WDCP: variants seen among roughly 807,000 people sequenced by gnomAD.
WDCP encodes the protein WD repeat and coiled-coil-containing protein.
A neutral mutation model predicts 41.6 loss-of-function variants in WDCP; 19 were observed. That is an observed-to-expected ratio of 0.46 (90% CI 0.32 to 0.67). The LOEUF is 0.67. Ranked by LOEUF, WDCP falls within the 30% of genes least tolerant of loss-of-function variation. WDCP has a pLI of 0.04. For missense variants in WDCP, 802 were observed against 850.7 expected, an observed-to-expected ratio of 0.94 and a Z score of 0.71; for synonymous variants, 302 against 320.8, an observed-to-expected ratio of 0.94 and a Z score of 0.63.
intron 1 of WDCP, among the ~76,000 whole-genome samples, chr2:24,044,949 A>G (rs1316627248): frequency 6.6e-6 from 1 of 152,144 alleles, no homozygotes; most frequent in Non-Finnish European, 1.5e-5. Context: ...TTAAAACCTT[A>G]TATTATCAGA....
chr2:24,045,849 AG>A (rs1376550216), intron 1 of WDCP: 7 of 152,152 alleles, frequency 4.6e-5, no homozygotes, highest in Non-Finnish European at 1.0e-4. Context: ...TCACTTTGGC[AG>A]CACATATACT....
In WDCP at chr2:24,032,961, TA is replaced by T; in HGVS notation, c.1819-16del. The T allele has an allele frequency of 6.9e-7, 1 of 1,439,144 alleles. No individual in the cohort carries two copies. The highest frequency in any genetic ancestry group is 9.8e-7 in the Non-Finnish European group (1 of 1,022,114). 89.1% of individuals were successfully genotyped at this position (1,439,144 alleles called of 1,614,324 possible). A position where few individuals can be genotyped will look rare whatever the true frequency, so the allele number is the denominator to read the frequency against. ...TAATAAGGTTTCTGCAAATAAAAAATAAAAGTTGTTAAACTGATTGCAGAAG... is the reference window on the plus strand; with the variant it reads ...TAATAAGGTTTCTGCAAATAAAAAATAAAGTTGTTAAACTGATTGCAGAAG... On this transcript the variant is annotated splice_polypyrimidine_tract_variant and intron_variant, in intron 2 of 3. Coordinates refer to ENST00000295148, the MANE Select transcript of WDCP (RefSeq NM_025203.3).
chr2:24,035,360 C>A (rs1663212191), intron 2 of WDCP, among the ~76,000 whole-genome samples: 1 of 151,834 alleles, frequency 6.6e-6, no homozygotes, highest in African/African-American at 2.4e-5. Flanking sequence ...TAACTAAAGT[C>A]TGCTAGTATC....
rs747659090 is a variant in WDCP at position 24,032,845 on chromosome 2, G to A, written c.1920C>T (p.Leu640=). 10 of 1,606,964 alleles carry A rather than the reference G, an allele frequency of 6.2e-6. No individual in the cohort carries two copies. The highest frequency in any genetic ancestry group is 7.7e-6 in the Non-Finnish European group (9 of 1,173,588). ...STVQQTFGLS[L]IEMLHDSHWI... is the part of the protein sequence containing the mutation. The stretch of plus-strand genomic sequence containing the variant: ...ACGACCTACCATGTAGCATTTCAAT[G>A]AGAGAAAGGCCAAAAGTCTGCTGAA... Residue 640 remains leucine (L), a synonymous_variant, in exon 3 of 4, where the codon CTC becomes CTT. Transcript: ENST00000295148.
chr2:24,030,893 G>A lies in WDCP; in HGVS notation c.*40C>T. On this transcript the variant is annotated 3_prime_UTR_variant, in exon 4 of 4. Coordinates refer to ENST00000295148, the MANE Select transcript of WDCP (RefSeq NM_025203.3). ...TGTCAAGCAGGCCTTGTTTGTAATG[G>A]TCTCATCTGAAGAGCTACACAGCAA... 1 of 1,474,522 alleles carries A rather than the reference G, an allele frequency of 6.8e-7. No homozygotes were observed. The highest frequency in any genetic ancestry group is 9.5e-7 in the Non-Finnish European group (1 of 1,057,970). The allele number at this position is 1,474,522 out of a possible 1,614,324, so 91.3% of individuals were successfully genotyped here. A position where few individuals can be genotyped will look rare whatever the true frequency, so the allele number is the denominator to read the frequency against.
At chr2:24,044,657 A>G (rs1663555413) in intron 1 of WDCP, among the ~76,000 whole-genome samples, 1 of 152,156 alleles carries the variant, frequency 6.6e-6, no homozygotes, top group South Asian at 2.1e-4. Context: ...AAACGCAGTG[A>G]TAATTACAAA....
chr2:24,037,391 CATG>C (rs1663287814), intron 2 of WDCP, among the ~76,000 whole-genome samples: 1 of 152,208 alleles, frequency 6.6e-6, no homozygotes, highest in African/African-American at 2.4e-5. Flanking sequence ...AATGAAATAA[CATG>C]ATTTTTTTTC....
At position 24,038,024 on chromosome 2, in the gene WDCP, G is replaced by A; in HGVS notation, c.1471C>T (p.Pro491Ser). 9 of 1,614,132 alleles carry A rather than the reference G, an allele frequency of 5.6e-6. No homozygotes were observed. Among genetic ancestry groups the A allele is most frequent in the Non-Finnish European group, 6.8e-6 (8 of 1,180,022 alleles). ...ATTTCTTTAATAAGTGTTCTTCCAG[G>A]CCTTCCATTCTGACTACTGGTATTA... ...TVNTSSQNGR[P>S]GRTLIKEIQS... The change falls in exon 2 of 4, where the codon CCT (proline) becomes TCT (serine). Residue 491 changes from proline to serine, a missense_variant. By Grantham distance (74) the Pro-to-Ser change is moderately conservative. Around this residue, in one of 5 missense-constraint regions of WDCP, gnomAD observed 321 missense variants for 305.1 expected, o/e 1.05. Coordinates refer to ENST00000295148, the MANE Select transcript of WDCP (RefSeq NM_025203.3).
chr2:24,045,103 C>G (rs1663570408), intron 1 of WDCP, among the ~76,000 whole-genome samples: 1 of 151,946 alleles, frequency 6.6e-6, no homozygotes, highest in South Asian at 2.1e-4. Context: ...AATTTGAATG[C>G]CACAAAGTGA....
chr2:24,039,468 G>A lies in WDCP; in HGVS notation c.27C>T (p.Leu9=), dbSNP rs771923052. The stretch of plus-strand genomic sequence containing the variant: ...GATGCAACGCATTCAGTCCAGTCCT[G>A]AGTAGTTTTCCTTTTCCCAACTCCA... MELGKGKL[L]RTGLNALHQA... Residue 9 remains leucine (L), a synonymous_variant, in exon 2 of 4, where the codon CTC becomes CTT. Coordinates refer to ENST00000295148, the MANE Select transcript of WDCP (RefSeq NM_025203.3). 3 of 1,612,540 alleles carry A rather than the reference G, an allele frequency of 1.9e-6. No homozygotes were observed. Among genetic ancestry groups the A allele is most frequent in the Non-Finnish European group, 2.5e-6 (3 of 1,178,628 alleles).
chr2:24,036,483 G>A (rs1055614206), intron 2 of WDCP, among the ~76,000 whole-genome samples: 1 of 152,216 alleles, frequency 6.6e-6, no homozygotes, highest in South Asian at 2.1e-4. Context: ...GCGGGCGTGT[G>A]ATGATGCACT....
In WDCP at chr2:24,039,280, T is replaced by C. The variant is rs1204948156; in HGVS notation, c.215A>G (p.Asp72Gly). ...GLSWAPPVADDTPVLLAVQHE... is the reference protein window; with the variant it reads ...GLSWAPPVADGTPVLLAVQHE... ...CTGGACAGCGAGTAGAACAGGTGTATCATCTGCAACAGGTGGGGCCCAGGA... is the reference window on the plus strand; with the variant it reads ...CTGGACAGCGAGTAGAACAGGTGTACCATCTGCAACAGGTGGGGCCCAGGA... Residue 72 changes from aspartate to glycine, a missense_variant, in exon 2 of 4, where the codon GAT (aspartate) becomes GGT (glycine). Coordinates refer to ENST00000295148, the MANE Select transcript of WDCP (RefSeq NM_025203.3). The C allele has an allele frequency of 6.2e-7, 1 of 1,614,064 alleles. No individual in the cohort carries two copies. Among genetic ancestry groups the C allele is most frequent in the Non-Finnish European group, 8.5e-7 (1 of 1,180,036 alleles).
Position 24,039,689 on chromosome 2 carries a change from T to C in WDCP, c.-18-177A>G, listed in dbSNP as rs546584549. Among the ~76,000 whole-genome samples, 6 of 152,334 alleles carry C rather than the reference T, an allele frequency of 3.9e-5. No individual in the cohort carries two copies. The South Asian group carries it at 8.3e-4, about 21-fold the overall frequency. On this transcript the variant is annotated intron_variant, in intron 1 of 3. Coordinates refer to ENST00000295148, the MANE Select transcript of WDCP (RefSeq NM_025203.3). ...TGAGCTATCAGGCAAATGCAATGTA[T>C]ATACTTTGGATCTTGAAGAAATAAA...
chr2:24,042,317 C>T (rs1026796332), intron 1 of WDCP, among the ~76,000 whole-genome samples: 1 of 151,934 alleles, frequency 6.6e-6, no homozygotes, highest in Non-Finnish European at 1.5e-5. Context: ...GCAGGCGGAT[C>T]ACGAGGTCAG....
At chr2:24,033,327 CGA>C (rs1451887871) in intron 2 of WDCP, 2 of 324,442 alleles carry the variant, frequency 6.2e-6, no homozygotes, top group Non-Finnish European at 6.2e-6. Flanking sequence ...AAAAAAATGC[CGA>C]GAGAGTGTCC....
intron 2 of WDCP, among the ~76,000 whole-genome samples, chr2:24,034,611 T>A (rs1362003534): frequency 6.6e-6 from 1 of 150,454 alleles, no homozygotes; most frequent in African/African-American, 2.4e-5. Context: ...TCTTGCTCTG[T>A]TTCCCAGGCT....
rs778537054 is a variant in WDCP at position 24,038,215 on chromosome 2, A to T, written c.1280T>A (p.Ile427Asn). Residue 427 changes from isoleucine (I) to asparagine (N), a missense_variant, in exon 2 of 4, where the codon ATT becomes AAT. Around this residue, in one of 5 missense-constraint regions of WDCP, gnomAD observed 247 missense variants for 240.5 expected, o/e 1.03. Coordinates refer to ENST00000295148, the MANE Select transcript of WDCP (RefSeq NM_025203.3). ...TTCTTCCAACATTATTTCTCTAACA[A>T]TCAAGCTAATGGCATACTGATCAGA... The part of the protein sequence containing the change: ...SKSDQYAISL[I>N]VREIMLEEEP... 5.4e-5 allele frequency: 87 copies of T among 1,614,052 alleles called. No individual in the cohort carries two copies. Among genetic ancestry groups the T allele is most frequent in the Non-Finnish European group, 7.0e-5 (83 of 1,180,030 alleles).
At chr2:24,039,582 AAG>A (rs1663361600) in intron 1 of WDCP, 70 bp from the exon 2 acceptor site, 1 of 1,415,078 alleles carries the variant, frequency 7.1e-7, no homozygotes, top group Non-Finnish European at 9.7e-7. Context: ...GACATTTGGT[AAG>A]ACAACGGCTT....
chr2:24,031,071 G>C lies in WDCP; in HGVS notation c.2028C>G (p.Ser676Arg), dbSNP rs145861649. ...CTCTGAAGACATCTGACCTGGACAG[G>C]CTGCCATCTCTTATGATTATTTCCT... ...ATQEIIIRDG[S>R]LSRSDVFRDS... Residue 676 changes from serine to arginine, a missense_variant, in exon 4 of 4, where the codon AGC becomes AGG. Coordinates refer to ENST00000295148, the MANE Select transcript of WDCP (RefSeq NM_025203.3). 2.3e-4 allele frequency: 379 copies of C among 1,614,160 alleles called. No individual in the cohort carries two copies. In the African/African-American group the frequency reaches 4.6e-3, roughly 19 times the overall value.
Sources: allele counts gnomAD v4.1 joint callset (sites outside exome capture counted in the v4.1 genomes callset), GRCh38; gene constraint gnomAD v4.1.1; regional missense constraint gnomAD v4.1.1; transcripts MANE v1.5; gene names NCBI Gene and HGNC (gene_info 2026-07-23, HGNC 2026-07-21).